Variants in SYN2 observed in about 807,000 individuals in gnomAD.
SYN2 encodes the protein synapsin II.
A neutral mutation model predicts 50.9 loss-of-function variants in SYN2; 19 were observed. That is an observed-to-expected ratio of 0.37 (90% confidence interval 0.26 to 0.55). The LOEUF (loss-of-function observed/expected upper bound fraction) is 0.55. SYN2 is among the 20% of genes least tolerant of loss of function. The probability of loss-of-function intolerance (pLI) is 0.81; values close to 1 mark genes in which losing one functional copy is unlikely to be tolerated. For synonymous variants in SYN2, 255 were observed against 224.9 expected (o/e 1.13, Z -1.20); for missense variants, 587 against 576.4 (o/e 1.02, Z -0.19).
At chr3:12,055,901 A>C (rs1694978382) in intron 1 of SYN2, among the ~76,000 whole-genome samples, 1 of 152,244 alleles carries the variant, frequency 6.6e-6, no homozygotes, top group Non-Finnish European at 1.5e-5. Flanking sequence ...TATCACAGAA[A>C]GGCAGACTTT....
chr3:12,114,112 C>A (rs1005300550), intron 1 of SYN2, among the ~76,000 whole-genome samples: 3 of 151,632 alleles, frequency 2.0e-5, no homozygotes, highest in Non-Finnish European at 4.4e-5. Context: ...AGACAATAGT[C>A]CATCTTTTTT....
At chr3:12,076,757 T>G (rs1276625011) in intron 1 of SYN2, among the ~76,000 whole-genome samples, 1 of 152,146 alleles carries the variant, frequency 6.6e-6, no homozygotes. Context: ...GTGATAGAAC[T>G]GTGTTTTGAA....
intron 1 of SYN2, among the ~76,000 whole-genome samples, chr3:12,124,234 G>T (rs1481866): frequency 2.0e-5 from 3 of 151,978 alleles, no homozygotes; most frequent in African/African-American, 7.2e-5. Flanking sequence ...AAAAACTGAC[G>T]AATTCAGGGA....
At chr3:12,168,512 T>G in intron 9 of SYN2, 34 bp downstream of exon 9, 2 of 1,568,424 alleles carry the variant, frequency 1.3e-6, no homozygotes, top group Non-Finnish European at 1.8e-6. Context: ...AGGTAACTCC[T>G]AAGGCTTAAG....
intron 1 of SYN2, among the ~76,000 whole-genome samples, chr3:12,041,631 C>T (rs552839311): frequency 2.1e-4 from 32 of 152,266 alleles, no homozygotes; most frequent in Middle Eastern, 3.4e-3. Flanking sequence ...CCTTCTAGTT[C>T]GTGTCCTTGC....
intron 1 of SYN2, among the ~76,000 whole-genome samples, chr3:12,100,948 G>A (rs1469758874): frequency 6.6e-6 from 1 of 152,008 alleles, no homozygotes; most frequent in Non-Finnish European, 1.5e-5. Flanking sequence ...CACACCCCTT[G>A]TCATTGTTAT....
chr3:12,099,404 A>C (rs1427918398), intron 1 of SYN2, among the ~76,000 whole-genome samples: 2 of 152,212 alleles, frequency 1.3e-5, no homozygotes, highest in Non-Finnish European at 1.5e-5. Context: ...GAGTAACAGA[A>C]GGAAATTTGA....
At chr3:12,068,326 TTCCAGTATTGC>T (rs1314701250) in intron 1 of SYN2, among the ~76,000 whole-genome samples, 6 of 152,210 alleles carry the variant, frequency 3.9e-5, no homozygotes, top group Non-Finnish European at 7.4e-5. Context: ...ATCTTCCAGC[TTCCAGTATTGC>T]TCCTGGGAAG....
At chr3:12,014,248 A>T (rs757349001) in intron 1 of SYN2, among the ~76,000 whole-genome samples, 24 of 152,198 alleles carry the variant, frequency 1.6e-4, no homozygotes, top group Non-Finnish European at 2.8e-4. Context: ...TGAGGACAGT[A>T]AATCTTTGCC....
At chr3:12,114,915 CTGTTAGCCT>C (rs770933862) in intron 1 of SYN2, among the ~76,000 whole-genome samples, 9 of 152,142 alleles carry the variant, frequency 5.9e-5, no homozygotes, top group Non-Finnish European at 1.3e-4. Flanking sequence ...CACAACTCCT[CTGTTAGCCT>C]GTAACTTTCT....
chr3:12,062,538 A>G (rs1028473927), intron 1 of SYN2, among the ~76,000 whole-genome samples: 2 of 152,034 alleles, frequency 1.3e-5, no homozygotes, highest in African/African-American at 4.8e-5. Flanking sequence ...TCTGCTCTAT[A>G]GAAGACATTG....
chr3:12,082,951 TA>T (rs1378847602), intron 1 of SYN2, among the ~76,000 whole-genome samples: 1 of 152,120 alleles, frequency 6.6e-6, no homozygotes, highest in Non-Finnish European at 1.5e-5. Context: ...CTTTGATTTT[TA>T]AAAAGTTCTT....
At position 12,168,402 on chromosome 3, in the gene SYN2, C is replaced by G; in HGVS notation, c.1082C>G (p.Ser361Cys). Residue 361 changes from serine (S) to cysteine (C), a missense_variant, in exon 9 of 13, where the codon TCT becomes TGT. Transcript: ENST00000621198. ...DRYKLWVDTCSEMFGGLDICA... is the reference protein window; with the variant it reads ...DRYKLWVDTCCEMFGGLDICA... ...TACAAACTGTGGGTGGACACCTGCT[C>G]TGAGATGTTTGGCGGCCTGGACATC... 1 of 1,613,940 alleles carries G rather than the reference C, an allele frequency of 6.2e-7. No individual in the cohort carries two copies. The highest frequency in any genetic ancestry group is 1.3e-5 in the African/African-American group (1 of 75,032).
At chr3:12,025,731 T>C (rs1694244344) in intron 1 of SYN2, among the ~76,000 whole-genome samples, 1 of 151,972 alleles carries the variant, frequency 6.6e-6, no homozygotes, top group Non-Finnish European at 1.5e-5. Flanking sequence ...TTCTGATACA[T>C]AGTGCCTAGC....
chr3:12,066,846 G>A (rs138100992), intron 1 of SYN2, among the ~76,000 whole-genome samples: 65 of 152,230 alleles, frequency 4.3e-4, no homozygotes, highest in African/African-American at 1.5e-3. Flanking sequence ...ATGGCTGGGG[G>A]GGGCCTCAGG....
In SYN2 at chr3:12,167,230, G is replaced by T; in HGVS notation, c.981-4G>T. The T allele has an allele frequency of 6.2e-7, 1 of 1,612,190 alleles. No individual in the cohort carries two copies. The highest frequency in any genetic ancestry group is 8.5e-7 in the Non-Finnish European group (1 of 1,179,286). On this transcript the variant is annotated splice_polypyrimidine_tract_variant and splice_region_variant and intron_variant, in intron 7 of 12. Coordinates refer to ENST00000621198, the MANE Select transcript of SYN2 (RefSeq NM_133625.6). ...TGTCCTATCCTGGTGGGATCTTGTT[G>T]CAGGAGGACATCGATCTCAGGGAAC...
chr3:12,026,539 TAAAG>T (rs955906207), intron 1 of SYN2, among the ~76,000 whole-genome samples: 4 of 152,104 alleles, frequency 2.6e-5, no homozygotes, highest in African/African-American at 9.7e-5. Flanking sequence ...GAGTTGGACT[TAAAG>T]GAAGAATAGA....
chr3:12,093,493 T>G (rs1308519575), intron 1 of SYN2, among the ~76,000 whole-genome samples: 2 of 152,186 alleles, frequency 1.3e-5, no homozygotes, highest in Non-Finnish European at 2.9e-5. Context: ...CCTCCCCTGG[T>G]AAGATAGCTA....
chr3:12,161,768 C>T, intron 6 of SYN2, 160 bp downstream of exon 6: 2 of 994,580 alleles, frequency 2.0e-6, no homozygotes, highest in South Asian at 3.0e-5. Flanking sequence ...CCCAACCAGA[C>T]CTCTTTCAGT....
Sources: allele counts gnomAD v4.1 joint callset (sites outside exome capture counted in the v4.1 genomes callset), GRCh38; gene constraint gnomAD v4.1.1; transcripts MANE v1.5; gene names NCBI Gene and HGNC (gene_info 2026-07-23, HGNC 2026-07-21).